The following CHPT1 variants were observed in gnomAD, a reference collection of about 807,000 sequenced individuals.
CHPT1 encodes cholinephosphotransferase 1.
CHPT1 carries 36 observed loss-of-function variants against 47.6 expected under a neutral mutation model. That is an observed-to-expected ratio of 0.76 (90% CI 0.58 to 1.00). The LOEUF (loss-of-function observed/expected upper bound fraction) is 1.00. Ranked by LOEUF, CHPT1 falls within the 50% of genes least tolerant of loss-of-function variation. CHPT1 has a pLI of 0.00. For missense variants in CHPT1, 458 were observed against 498.1 expected, an observed-to-expected ratio of 0.92 and a Z score of 0.77; for synonymous variants, 194 against 186.3, an observed-to-expected ratio of 1.04 and a Z score of -0.33.
intron 1 of CHPT1, among the ~76,000 whole-genome samples, chr12:101,704,132 T>C (rs1268489884): frequency 2.0e-5 from 3 of 152,186 alleles, no homozygotes; most frequent in Non-Finnish European, 4.4e-5. Flanking sequence ...TCTAATTCCC[T>C]TCTGCATAGA....
intron 5 of CHPT1, among the ~76,000 whole-genome samples, chr12:101,722,657 T>A (rs1289609066): frequency 6.9e-6 from 1 of 144,212 alleles, no homozygotes; most frequent in Non-Finnish European, 1.5e-5. Context: ...AGTTTGAGAC[T>A]GGCCTGGGCA....
intron 5 of CHPT1, among the ~76,000 whole-genome samples, chr12:101,721,447 GTC>G (rs761221185): frequency 6.6e-6 from 1 of 152,116 alleles, no homozygotes; most frequent in Non-Finnish European, 1.5e-5. Flanking sequence ...GTAAAAAAAA[GTC>G]TCATTCTTTT....
intron 5 of CHPT1, among the ~76,000 whole-genome samples, chr12:101,720,905 T>C (rs1951839798): frequency 6.6e-6 from 1 of 152,210 alleles, no homozygotes; most frequent in Non-Finnish European, 1.5e-5. Flanking sequence ...TTAAAAAGCC[T>C]ATTGTCATTT....
At chr12:101,722,707 T>TAAAAAAAA (rs10605402) in intron 5 of CHPT1, among the ~76,000 whole-genome samples, 12 of 113,664 alleles carry the variant, frequency 1.1e-4, no homozygotes, top group African/African-American at 1.2e-4. Context: ...CACAAAAAAT[T>TAAAAAAAA]AAAAAAAAAA....
chr12:101,714,652 A>G lies in CHPT1; in HGVS notation c.563+7A>G, dbSNP rs371800621. 658 of 1,597,164 alleles carry G rather than the reference A, an allele frequency of 4.1e-4. No individual in the cohort carries two copies. Among genetic ancestry groups the G allele is most frequent in the Non-Finnish European group, 5.2e-4 (613 of 1,175,246 alleles). ...GCATGTTGAGATTTGGAAAGTAAGT[A>G]TGCTTTTTAAGTTGTACATTAAAAA... On this transcript the variant is annotated splice_region_variant and intron_variant, in intron 3 of 8. Coordinates refer to ENST00000229266, the MANE Select transcript of CHPT1 (RefSeq NM_020244.3).
intron 1 of CHPT1, among the ~76,000 whole-genome samples, chr12:101,709,576 A>G (rs1951678411): frequency 1.3e-5 from 2 of 148,492 alleles, no homozygotes; most frequent in Admixed American, 6.9e-5. Flanking sequence ...GGAGGTGGTG[A>G]CCAAAGGAAA....
At chr12:101,713,690 CT>C (rs1383081379) in intron 1 of CHPT1, among the ~76,000 whole-genome samples, 1 of 152,062 alleles carries the variant, frequency 6.6e-6, no homozygotes, top group Non-Finnish European at 1.5e-5. Flanking sequence ...GAGAGCAAAT[CT>C]AGTCCCTGAT....
intron 1 of CHPT1, among the ~76,000 whole-genome samples, chr12:101,709,388 CAAAAAA>C (rs544323245): frequency 2.8e-5 from 2 of 71,466 alleles, no homozygotes; most frequent in Non-Finnish European, 5.9e-5. Context: ...AGACCTGTGT[CAAAAAA>C]AAAAAAAAAA....
chr12:101,720,063 T>A, intron 4 of CHPT1, 60 bp from the exon 5 acceptor site: 1 of 1,200,506 alleles, frequency 8.3e-7, no homozygotes, highest in Non-Finnish European at 1.2e-6. Context: ...TGTTTCTTTA[T>A]TATTTAATAA....
intron 4 of CHPT1, 39 bp downstream of exon 4, chr12:101,716,851 C>T: frequency 8.0e-7 from 1 of 1,257,444 alleles, no homozygotes; most frequent in East Asian, 2.5e-5. Flanking sequence ...AAGTACTTTT[C>T]AAATATTTAG....
rs201821258 is a variant in CHPT1, at chr12:101,698,069, G to A, written c.208G>A (p.Gly70Arg). 2.4e-4 allele frequency: 378 copies of A among 1,570,232 alleles called. No individual in the cohort carries two copies. The highest frequency in any genetic ancestry group is 3.1e-4 in the Non-Finnish European group (362 of 1,166,602). ...WMAPNSITLL[G>R]LAVNVVTTLV... Reference sequence around the variant, plus strand: ...GGCCCCCAACTCCATCACCCTGCTGGGGCTCGCCGTCAACGTGGTCACCAC... The same window carrying A: ...GGCCCCCAACTCCATCACCCTGCTGAGGCTCGCCGTCAACGTGGTCACCAC... Residue 70 changes from glycine (G) to arginine (R), a missense_variant, in exon 1 of 9, where the codon GGG (glycine) becomes AGG (arginine). Gly to Arg is a moderately radical substitution (Grantham distance 125, BLOSUM62 -2). Transcript: ENST00000229266.
intron 1 of CHPT1, among the ~76,000 whole-genome samples, chr12:101,705,082 C>CT (rs1474844978): frequency 2.5e-5 from 3 of 118,536 alleles, no homozygotes; most frequent in African/African-American, 8.9e-5. Flanking sequence ...CTTCCCATTG[C>CT]TTTTTTGTTT....
At chr12:101,705,061 G>A (rs879343482) in intron 1 of CHPT1, among the ~76,000 whole-genome samples, 3,022 of 102,174 alleles carry the variant, frequency 0.03, 231 homozygotes, top group African/African-American at 0.058. Flanking sequence ...GAAAAACCTG[G>A]GGCATGTATT....
intron 7 of CHPT1, 87 bp from the exon 8 acceptor site, chr12:101,726,206 GT>G: frequency 1.2e-6 from 1 of 864,956 alleles, no homozygotes; most frequent in East Asian, 2.5e-5. Flanking sequence ...TTAGGTTAAG[GT>G]TTGATATTTG....
chr12:101,706,413 T>C (rs373518665), intron 1 of CHPT1, among the ~76,000 whole-genome samples: 28 of 151,942 alleles, frequency 1.8e-4, no homozygotes, highest in African/African-American at 6.5e-4. Context: ...GATCACATTC[T>C]AATATGAAAG....
At chr12:101,726,590 TATC>T (rs1359878667) in intron 8 of CHPT1, 186 bp downstream of exon 8, 69 of 747,182 alleles carry the variant, frequency 9.2e-5, no homozygotes, top group African/African-American at 1.6e-4. Context: ...GCCCCCATTG[TATC>T]ATCATTTTTT....
chr12:101,705,410 C>T (rs1253068846), intron 1 of CHPT1, among the ~76,000 whole-genome samples: 1 of 70,730 alleles, frequency 1.4e-5, no homozygotes, highest in East Asian at 3.2e-4. Flanking sequence ...TTAAAATAAA[C>T]ATAAACATTC....
chr12:101,703,267 C>T (rs1951580157), intron 1 of CHPT1, among the ~76,000 whole-genome samples: 1 of 152,200 alleles, frequency 6.6e-6, no homozygotes, highest in Non-Finnish European at 1.5e-5. Context: ...ACACCCCTCT[C>T]TCTTTTTGTT....
intron 1 of CHPT1, among the ~76,000 whole-genome samples, chr12:101,699,182 G>C (rs936435063): frequency 2.0e-5 from 3 of 151,692 alleles, no homozygotes; most frequent in Admixed American, 6.6e-5. Flanking sequence ...CCGCCTTCAG[G>C]GTTCAAGCGA....
Sources: allele counts gnomAD v4.1 joint callset (sites outside exome capture counted in the v4.1 genomes callset), GRCh38; gene constraint gnomAD v4.1.1; transcripts MANE v1.5; gene names NCBI Gene and HGNC (gene_info 2026-07-23, HGNC 2026-07-21).